The following PINX1 variants were observed in gnomAD, a reference collection of about 807,000 sequenced individuals.
PINX1 encodes the protein PIN2/TERF1-interacting telomerase inhibitor 1.
In PINX1, 34 loss-of-function variants were observed where a neutral mutation model predicts 25.4. The observed-to-expected ratio is 1.34, with a 90% CI of 1.02 to 1.78. The LOEUF is 1.78. Ranked by LOEUF, PINX1 falls within the 40% of genes most tolerant of loss-of-function variation. PINX1 has a pLI of 0.00. For missense variants in PINX1, 592 were observed against 404.9 expected, an observed-to-expected ratio of 1.46 and a Z score of -3.97; for synonymous variants, 197 against 147.7, an observed-to-expected ratio of 1.33 and a Z score of -2.42.
intron 6 of PINX1, among the ~76,000 whole-genome samples, chr8:10,811,490 T>C (rs1391784409): frequency 1.3e-5 from 2 of 152,178 alleles, no homozygotes; most frequent in African/African-American, 2.4e-5. Context: ...CAATAAACCA[T>C]CCTGACACTC....
At chr8:10,825,264 T>TA (rs763385617) in intron 5 of PINX1, 7 of 512,620 alleles carry the variant, frequency 1.4e-5, no homozygotes, top group South Asian at 2.9e-5. Context: ...AATGCCCTGA[T>TA]ACGCATGACA....
chr8:10,791,012 A>C (rs1431947177), intron 6 of PINX1, among the ~76,000 whole-genome samples: 2 of 152,086 alleles, frequency 1.3e-5, no homozygotes, highest in African/African-American at 4.8e-5. Context: ...TCCCAAGTTC[A>C]TGTGATTCTC....
chr8:10,766,265 C>G (rs1801041599), intron 6 of PINX1, among the ~76,000 whole-genome samples: 1 of 152,210 alleles, frequency 6.6e-6, no homozygotes. Context: ...GTTGTGGTGA[C>G]TAAGCTCCCA....
intron 6 of PINX1, among the ~76,000 whole-genome samples, chr8:10,781,250 G>A (rs910806008): frequency 6.6e-6 from 1 of 152,090 alleles, no homozygotes; most frequent in African/African-American, 2.4e-5. Flanking sequence ...TAAACTCCCA[G>A]AAGAAAACAC....
At chr8:10,767,326 C>T (rs1053947509) in intron 6 of PINX1, among the ~76,000 whole-genome samples, 2 of 151,992 alleles carry the variant, frequency 1.3e-5, no homozygotes, top group Non-Finnish European at 2.9e-5. Context: ...GCAGTTCCAG[C>T]AGAATCGATA....
chr8:10,826,456 A>G (rs994118508), intron 4 of PINX1, among the ~76,000 whole-genome samples: 2 of 152,230 alleles, frequency 1.3e-5, no homozygotes, highest in South Asian at 4.1e-4. Flanking sequence ...TAATTTGCAT[A>G]CTATGGATCA....
chr8:10,825,894 T>C (rs1798023033), intron 5 of PINX1, among the ~76,000 whole-genome samples: 2 of 152,250 alleles, frequency 1.3e-5, no homozygotes, highest in Admixed American at 1.3e-4. Flanking sequence ...GCTGATTCCA[T>C]TTTTTAGCTC....
chr8:10,828,768 G>A (rs1420597880), intron 4 of PINX1, among the ~76,000 whole-genome samples: 3 of 152,050 alleles, frequency 2.0e-5, no homozygotes, highest in East Asian at 1.9e-4. Context: ...GTCCTTTCCC[G>A]GGTATCCCCT....
intron 6 of PINX1, among the ~76,000 whole-genome samples, chr8:10,817,899 A>G (rs1204067328): frequency 2.6e-5 from 4 of 151,954 alleles, no homozygotes; most frequent in African/African-American, 9.7e-5. Flanking sequence ...ACTGAACGTC[A>G]GAATAACTGC....
In PINX1 at chr8:10,765,982, AGGCACCCACACCCGGCGCTCACACCT is replaced by A. The variant is rs745327541; in HGVS notation, c.472-92_472-67del. ...CTGTTCATCCCTCACCGCACCCAGG[AGGCACCCACACCCGGCGCTCACACCT>A]GGCACCCACACCCGGCGCTCACACC... On this transcript the variant is annotated intron_variant, in intron 6 of 6. Coordinates refer to ENST00000314787, the MANE Select transcript of PINX1 (RefSeq NM_017884.6). 1.5e-3 allele frequency: 2,324 copies of A among 1,512,410 alleles called. 11 individuals are homozygous for A. Among genetic ancestry groups the A allele is most frequent in the South Asian group, 4.6e-3 (374 of 81,720 alleles). The allele number at this position is 1,512,410 out of a possible 1,614,324, so 93.7% of individuals were successfully genotyped here.
At chr8:10,828,612 G>A (rs1300714353) in intron 4 of PINX1, among the ~76,000 whole-genome samples, 1 of 152,172 alleles carries the variant, frequency 6.6e-6, no homozygotes, top group Non-Finnish European at 1.5e-5. Flanking sequence ...AGAATCACCT[G>A]GTGAGCGTCT....
intron 6 of PINX1, among the ~76,000 whole-genome samples, chr8:10,777,570 G>A (rs938448818): frequency 6.6e-6 from 1 of 152,290 alleles, no homozygotes; most frequent in African/African-American, 2.4e-5. Flanking sequence ...GTGGCTTGGG[G>A]ACTGCAGGGA....
chr8:10,779,974 TG>T (rs1801531502), intron 6 of PINX1, among the ~76,000 whole-genome samples: 1 of 152,122 alleles, frequency 6.6e-6, no homozygotes, highest in African/African-American at 2.4e-5. Context: ...TACACTAGAT[TG>T]GAAGGAAGCT....
At chr8:10,830,417 T>TCTG in intron 4 of PINX1, among the ~76,000 whole-genome samples, 1 of 152,310 alleles carries the variant, frequency 6.6e-6, no homozygotes, top group Middle Eastern at 3.4e-3. Flanking sequence ...GCTAGCTACC[T>TCTG]CCAAGCAGGA....
chr8:10,817,896 G>A (rs532169050), intron 6 of PINX1, among the ~76,000 whole-genome samples: 7 of 152,118 alleles, frequency 4.6e-5, no homozygotes, highest in South Asian at 2.1e-4. Flanking sequence ...CTTACTGAAC[G>A]TCAGAATAAC....
At chr8:10,779,779 TAAAG>T (rs1289011587) in intron 6 of PINX1, among the ~76,000 whole-genome samples, 3 of 152,208 alleles carry the variant, frequency 2.0e-5, no homozygotes, top group African/African-American at 7.2e-5. Flanking sequence ...TATTTTATCA[TAAAG>T]AAATTATAGT....
In PINX1 at chr8:10,773,056, G is replaced by A. The variant is rs539945273; in HGVS notation, c.472-7140C>T. Among the ~76,000 whole-genome samples the A allele has an allele frequency of 4.0e-5, 6 of 151,860 alleles. No homozygotes were observed. In the South Asian group the frequency reaches 1.0e-3, roughly 26 times the overall value. ...TTTGAATTTCCTCAGTAAAAATCTTGTAAAAATTTGTTTTCTTTCTCATTA... is the reference window on the plus strand; with the variant it reads ...TTTGAATTTCCTCAGTAAAAATCTTATAAAAATTTGTTTTCTTTCTCATTA... On this transcript the variant is annotated intron_variant, in intron 6 of 6. Transcript: ENST00000314787.
At chr8:10,795,049 A>T (rs761773521) in intron 6 of PINX1, among the ~76,000 whole-genome samples, 10 of 152,228 alleles carry the variant, frequency 6.6e-5, no homozygotes, top group Non-Finnish European at 1.0e-4. Flanking sequence ...ATACTCATCT[A>T]GAAAGTGGGT....
intron 6 of PINX1, among the ~76,000 whole-genome samples, chr8:10,808,483 C>T (rs1040948723): frequency 1.4e-4 from 21 of 152,174 alleles, no homozygotes; most frequent in African/African-American, 4.8e-4. Flanking sequence ...AACACATAAT[C>T]GCTATCTATG....
Sources: allele counts gnomAD v4.1 joint callset (sites outside exome capture counted in the v4.1 genomes callset), GRCh38; gene constraint gnomAD v4.1.1; transcripts MANE v1.5; gene names NCBI Gene and HGNC (gene_info 2026-07-23, HGNC 2026-07-21).